Variants in TRMT9B observed in about 807,000 individuals in gnomAD.
The protein encoded by TRMT9B is tRNA methyltransferase 9B (putative), also known as probable tRNA methyltransferase 9B.
TRMT9B carries 16 observed loss-of-function variants against 11.5 expected under a neutral mutation model. The ratio of observed to expected loss-of-function variants is 1.39; its 90% confidence interval spans 0.94 to 2.11. The LOEUF (loss-of-function observed/expected upper bound fraction) is 2.11, where lower values mean the gene tolerates loss of function less well. TRMT9B is among the 30% of genes most tolerant of loss of function. The pLI, the probability that TRMT9B is intolerant of heterozygous loss-of-function variation, is 0.00. For synonymous variants in TRMT9B, 274 were observed against 192.4 expected, an observed-to-expected ratio of 1.42 and a Z score of -3.51; for missense variants, 941 against 553.8, an observed-to-expected ratio of 1.70 and a Z score of -7.02.
intron 1 of TRMT9B, among the ~76,000 whole-genome samples, chr8:12,963,380 C>A (rs1802395520): frequency 6.6e-6 from 1 of 152,096 alleles, no homozygotes; most frequent in Non-Finnish European, 1.5e-5. Context: ...TTGCAGTGAG[C>A]CAAGATTGCA....
intron 1 of TRMT9B, among the ~76,000 whole-genome samples, chr8:12,978,276 G>A (rs1022598851): frequency 3.3e-5 from 5 of 152,126 alleles, no homozygotes; most frequent in African/African-American, 1.2e-4. Context: ...CTGCTACCTT[G>A]GCATTATCGA....
rs760038737 is a variant in TRMT9B, at chr8:12,990,806, C to T, written c.-199-28C>T. 4 of 1,273,062 alleles carry T rather than the reference C, an allele frequency of 3.1e-6. No individual in the cohort carries two copies. The African/African-American group carries it at 4.6e-5, about 15-fold the overall frequency. The allele number at this position is 1,273,062 out of a possible 1,614,324, so 78.9% of individuals were successfully genotyped here. Reference sequence around the variant, plus strand: ...TCCATATACATACCATGTGAAATGACATTTAGTATTTGTTTTCTTCCTGAT... The same window carrying T: ...TCCATATACATACCATGTGAAATGATATTTAGTATTTGTTTTCTTCCTGAT... On this transcript the variant is annotated intron_variant, in intron 1 of 4. Coordinates refer to ENST00000524591, the MANE Select transcript of TRMT9B (RefSeq NM_020844.3).
In TRMT9B at chr8:13,021,571, G is replaced by C. The variant is rs1254680699; in HGVS notation, c.892G>C (p.Glu298Gln). Residue 298 changes from glutamate to glutamine, a missense_variant, in exon 5 of 5, where the codon GAG (glutamate) becomes CAG (glutamine). Coordinates refer to ENST00000524591, the MANE Select transcript of TRMT9B (RefSeq NM_020844.3). ...CTCTAGTTTAGACTTTGATCACCAA[G>C]AGCCATTTTCAACAAAAGGGCAAAG... ...RHSSLDFDHQ[E>Q]PFSTKGQSLD... 1.6e-5 allele frequency: 26 copies of C among 1,613,764 alleles called. No homozygotes were observed. The Admixed American group carries it at 3.0e-4, about 19-fold the overall frequency.
intron 1 of TRMT9B, among the ~76,000 whole-genome samples, chr8:12,948,743 G>A (rs1382563800): frequency 2.0e-5 from 3 of 152,094 alleles, no homozygotes; most frequent in African/African-American, 7.2e-5. Context: ...GGTGGATCAC[G>A]AGGTCAGGAG....
intron 2 of TRMT9B, among the ~76,000 whole-genome samples, chr8:13,003,768 G>T (rs1809894821): frequency 6.6e-6 from 1 of 150,954 alleles, no homozygotes; most frequent in South Asian, 2.2e-4. Context: ...CTGATGGTGT[G>T]TCCCCACTCC....
intron 3 of TRMT9B, among the ~76,000 whole-genome samples, chr8:13,009,677 C>G (rs558036850): frequency 1.3e-5 from 2 of 152,148 alleles, no homozygotes; most frequent in Admixed American, 6.5e-5. Flanking sequence ...TAATTATACA[C>G]CTAGGTTTTG....
intron 2 of TRMT9B, among the ~76,000 whole-genome samples, chr8:13,003,901 A>G (rs1171501354): frequency 1.3e-5 from 2 of 150,896 alleles, no homozygotes; most frequent in Non-Finnish European, 2.9e-5. Context: ...AGCACAGAAG[A>G]GGGTGAGCAA....
chr8:12,951,709 G>C (rs1484839015), intron 1 of TRMT9B: 1 of 152,022 alleles, frequency 6.6e-6, no homozygotes, highest in Non-Finnish European at 1.5e-5. Flanking sequence ...GGCCCGGGGA[G>C]GCGGGGACGG....
rs371805418 is a variant in TRMT9B, at chr8:12,991,577, C to G, written c.-2+546C>G. On this transcript the variant is annotated intron_variant, in intron 2 of 4. Coordinates refer to ENST00000524591, the MANE Select transcript of TRMT9B (RefSeq NM_020844.3). ...GGCATTTATAATAGGAGAGCCATTT[C>G]CAATATTTGTATTTCTTTTTAGTTA... Among the ~76,000 whole-genome samples, 98 of 152,230 alleles carry G rather than the reference C, an allele frequency of 6.4e-4. 1 individual carries two copies. The highest frequency in any genetic ancestry group is 2.2e-3 in the African/African-American group (90 of 41,548).
chr8:12,974,173 A>AAAAAG (rs68193536), intron 1 of TRMT9B, among the ~76,000 whole-genome samples: 2 of 151,736 alleles, frequency 1.3e-5, no homozygotes, highest in Non-Finnish European at 2.9e-5. Flanking sequence ...CTGTCCCTTA[A>AAAAAG]AAAAGAAAAG....
rs117324458 is a variant in TRMT9B, at chr8:12,945,690, A to C, written c.-476A>C. 3.3e-5 allele frequency: 5 copies of C among 152,358 alleles called. No individual in the cohort carries two copies. The East Asian group carries it at 9.6e-4, about 29-fold the overall frequency. The allele number at this position is 152,358 out of a possible 1,614,324, so 9.4% of individuals were successfully genotyped here. A position where few individuals can be genotyped will look rare whatever the true frequency, so the allele number is the denominator to read the frequency against. ...TGTGTTTTATTCAGTATTGTGTAGT[A>C]CAGAAAAGATCACACATGTATATGT... On this transcript the variant is annotated 5_prime_UTR_variant, in exon 1 of 5. Coordinates refer to ENST00000524591, the MANE Select transcript of TRMT9B (RefSeq NM_020844.3).
chr8:12,977,104 C>G (rs1044699360), intron 1 of TRMT9B, among the ~76,000 whole-genome samples: 1 of 152,210 alleles, frequency 6.6e-6, no homozygotes, highest in Admixed American at 6.5e-5. Flanking sequence ...GATTAAATGT[C>G]TACTCTATTG....
chr8:12,972,880 G>T (rs1803850368), intron 1 of TRMT9B, among the ~76,000 whole-genome samples: 2 of 152,040 alleles, frequency 1.3e-5, no homozygotes, highest in African/African-American at 4.8e-5. Flanking sequence ...ATAACTCAGG[G>T]GCGTTAAATA....
At chr8:13,016,206 ATATATAAAATATAAATGTGAAATATATAT>A (rs1449250251) in intron 4 of TRMT9B, among the ~76,000 whole-genome samples, 2 of 138,170 alleles carry the variant, frequency 1.4e-5, no homozygotes, top group East Asian at 2.1e-4. Context: ...ATATATTTAT[ATATATAAAATATAAATGTGAAATATATAT>A]TATATATAAA....
intron 1 of TRMT9B, among the ~76,000 whole-genome samples, chr8:12,959,512 C>T (rs1801773530): frequency 2.4e-5 from 2 of 84,682 alleles, no homozygotes; most frequent in East Asian, 4.6e-4. Flanking sequence ...TTCCTTTTTC[C>T]TTCCTTTTTT....
chr8:12,989,785 C>A (rs1028418892), intron 1 of TRMT9B, among the ~76,000 whole-genome samples: 7 of 152,202 alleles, frequency 4.6e-5, no homozygotes, highest in Admixed American at 6.5e-5. Flanking sequence ...TCTAAAATTG[C>A]ATGAGGAAAG....
At chr8:12,985,529 C>T (rs1806151194) in intron 1 of TRMT9B, among the ~76,000 whole-genome samples, 1 of 152,186 alleles carries the variant, frequency 6.6e-6, no homozygotes, top group African/African-American at 2.4e-5. Context: ...ATGCTTACCC[C>T]AGGCTGTGCT....
chr8:13,023,652 C>T lies in TRMT9B; in HGVS notation c.*1608C>T, dbSNP rs1303387855. 6.0e-6 allele frequency: 1 copy of T among 167,072 alleles called. No individual in the cohort carries two copies. The highest frequency in any genetic ancestry group is 1.5e-5 in the Non-Finnish European group (1 of 68,114). The allele number at this position is 167,072 out of a possible 1,614,324, so 10.3% of individuals were successfully genotyped here. On this transcript the variant is annotated 3_prime_UTR_variant, in exon 5 of 5. Transcript: ENST00000524591. ...AGTAGTTCATTAATGAGAAAATTGA[C>T]ATCTGACAAGAGTCTTTTTACTTTA...
chr8:12,983,768 C>A (rs10282817), intron 1 of TRMT9B, among the ~76,000 whole-genome samples: 115 of 151,986 alleles, frequency 7.6e-4, no homozygotes, highest in African/African-American at 2.5e-3. Flanking sequence ...TTGCTTCTTG[C>A]CTCAAAAAAT....
Sources: allele counts gnomAD v4.1 joint callset (sites outside exome capture counted in the v4.1 genomes callset), GRCh38; gene constraint gnomAD v4.1.1; transcripts MANE v1.5; gene names NCBI Gene and HGNC (gene_info 2026-07-23, HGNC 2026-07-21).